Variants in ERBIN observed in about 807,000 individuals in gnomAD.
The protein encoded by ERBIN is densin-180-like protein.
In ERBIN, 60 loss-of-function variants were observed where a neutral mutation model predicts 158.4. The observed-to-expected ratio is 0.38, with a 90% confidence interval of 0.31 to 0.47. The LOEUF (loss-of-function observed/expected upper bound fraction) is 0.47, where lower values mean the gene tolerates loss of function less well. ERBIN is among the 20% of genes least tolerant of loss of function. The pLI, the probability that ERBIN is intolerant of heterozygous loss-of-function variation, is 0.99. For synonymous variants in ERBIN, 594 were observed against 557.2 expected, an observed-to-expected ratio of 1.07 and a Z score of -0.93; for missense variants, 1,610 against 1,648.0, an observed-to-expected ratio of 0.98 and a Z score of 0.40.
chr5:66,059,017 C>T (rs1759946963), intron 21 of ERBIN, among the ~76,000 whole-genome samples: 1 of 152,092 alleles, frequency 6.6e-6, no homozygotes, highest in African/African-American at 2.4e-5. Context: ...CTTGGCAATG[C>T]AGGCTCTTTT....
chr5:65,963,792 C>T (rs1207020000), intron 1 of ERBIN, among the ~76,000 whole-genome samples: 7 of 122,968 alleles, frequency 5.7e-5, no homozygotes, highest in African/African-American at 5.7e-5. Flanking sequence ...TCTTTCTTTT[C>T]TTTTTTTTTT....
intron 20 of ERBIN, among the ~76,000 whole-genome samples, chr5:66,052,161 C>T (rs560833230): frequency 6.7e-6 from 1 of 148,466 alleles, no homozygotes; most frequent in African/African-American, 2.5e-5. Flanking sequence ...CAGGCTACTG[C>T]ACTCCAGCAT....
chr5:66,077,489 AAGGG>A (rs1263649135), intron 25 of ERBIN, among the ~76,000 whole-genome samples: 1 of 152,000 alleles, frequency 6.6e-6, no homozygotes, highest in Non-Finnish European at 1.5e-5. Flanking sequence ...ACCAAAAAAA[AAGGG>A]AGAGAGAGAC....
At chr5:66,012,776 A>T (rs147210097) in intron 5 of ERBIN, among the ~76,000 whole-genome samples, 1,686 of 152,328 alleles carry the variant, frequency 0.011, 34 homozygotes, top group African/African-American at 0.037. Flanking sequence ...TCTAGTATCA[A>T]ATTCTAGATC....
intron 1 of ERBIN, among the ~76,000 whole-genome samples, chr5:65,957,802 C>T (rs935611781): frequency 6.6e-5 from 10 of 150,580 alleles, no homozygotes; most frequent in Non-Finnish European, 1.3e-4. Context: ...AGGGCAGAGG[C>T]GCACCCCACC....
chr5:66,070,640 A>C (rs1163051399), intron 21 of ERBIN, among the ~76,000 whole-genome samples: 1 of 152,234 alleles, frequency 6.6e-6, no homozygotes, highest in Non-Finnish European at 1.5e-5. Flanking sequence ...TAAAATTTCA[A>C]GCTGAGAGCT....
chr5:66,020,843 TGTG>T (rs1408473301), intron 7 of ERBIN, among the ~76,000 whole-genome samples: 1 of 152,028 alleles, frequency 6.6e-6, no homozygotes, highest in Non-Finnish European at 1.5e-5. Flanking sequence ...AATTTGAACA[TGTG>T]GGGAGTAATA....
intron 4 of ERBIN, among the ~76,000 whole-genome samples, chr5:65,998,255 T>G (rs1013731186): frequency 8.7e-5 from 13 of 149,062 alleles, no homozygotes; most frequent in African/African-American, 3.2e-4. Flanking sequence ...GATATATATA[T>G]ATATTTATAT....
Position 66,028,528 on chromosome 5 carries a change from A to T in ERBIN, c.1206+185A>T, listed in dbSNP as rs546805367. Among the ~76,000 whole-genome samples the T allele has an allele frequency of 6.6e-5, 10 of 152,056 alleles. No individual in the cohort carries two copies. In the South Asian group the frequency reaches 1.0e-3, roughly 16 times the overall value. On this transcript the variant is annotated intron_variant, in intron 14 of 25. Coordinates refer to ENST00000284037, the MANE Select transcript of ERBIN (RefSeq NM_001253697.2). ...CTTTTTATAAAATAGGTGTAGATTT[A>T]TAAGTAATGAATTATGTTGGACTTG...
chr5:66,014,259 T>A (rs1754492880), intron 6 of ERBIN, among the ~76,000 whole-genome samples: 1 of 152,192 alleles, frequency 6.6e-6, no homozygotes, highest in African/African-American at 2.4e-5. Context: ...TTTAGTGGAA[T>A]GTACATCAAT....
In ERBIN at chr5:66,073,913, C is replaced by G. The variant is rs570105795; in HGVS notation, c.3757-1111C>G. Among the ~76,000 whole-genome samples, 22 of 152,204 alleles carry G rather than the reference C, an allele frequency of 1.4e-4. No homozygotes were observed. The South Asian group carries it at 3.3e-3, about 23-fold the overall frequency. ...TGTTGTTTAGAGATGGAGTCTCGCTCTGTCACCCAGGCTAGGGTGCAGTGG... is the reference window on the plus strand; with the variant it reads ...TGTTGTTTAGAGATGGAGTCTCGCTGTGTCACCCAGGCTAGGGTGCAGTGG... On this transcript the variant is annotated intron_variant, in intron 22 of 25. Coordinates refer to ENST00000284037, the MANE Select transcript of ERBIN (RefSeq NM_001253697.2).
chr5:66,041,244 T>G (rs899967115), intron 15 of ERBIN, among the ~76,000 whole-genome samples: 1 of 151,926 alleles, frequency 6.6e-6, no homozygotes, highest in African/African-American at 2.4e-5. Flanking sequence ...ATTGAGTGAT[T>G]TGGAAGAACA....
chr5:65,958,492 G>C (rs1580158467), intron 1 of ERBIN, among the ~76,000 whole-genome samples: 1 of 151,752 alleles, frequency 6.6e-6, no homozygotes, highest in Non-Finnish European at 1.5e-5. Flanking sequence ...GGGGCGGTGC[G>C]CGCCTGCAAT....
chr5:65,957,518 A>G (rs1747317168), intron 1 of ERBIN, among the ~76,000 whole-genome samples: 2 of 152,204 alleles, frequency 1.3e-5, no homozygotes, highest in African/African-American at 4.8e-5. Context: ...CGTTTCAGAG[A>G]GCACCGGGTT....
At chr5:65,940,260 G>A (rs1296550250) in intron 1 of ERBIN, among the ~76,000 whole-genome samples, 1,084 of 131,778 alleles carry the variant, frequency 8.2e-3, no homozygotes, top group South Asian at 0.015. Context: ...GAGGTGAGGA[G>A]CGTCTCTGCC....
At chr5:66,072,038 A>G (rs1289089526) in intron 21 of ERBIN, 131 bp from the exon 22 acceptor site, 25 of 765,240 alleles carry the variant, frequency 3.3e-5, no homozygotes, top group Non-Finnish European at 5.1e-5. Context: ...TAATGATGGC[A>G]GTGTTTGATT....
chr5:66,028,456 A>G lies in ERBIN; in HGVS notation c.1206+113A>G, dbSNP rs78762675. ...AGCTATACATGTGGTACACATGTAA[A>G]CATATCTTTTATATAAGAAAAATCT... On this transcript the variant is annotated intron_variant, in intron 14 of 25. Coordinates refer to ENST00000284037, the MANE Select transcript of ERBIN (RefSeq NM_001253697.2). 4 of 592,892 alleles carry G rather than the reference A, an allele frequency of 6.7e-6. No homozygotes were observed. The East Asian group carries it at 1.3e-4, about 19-fold the overall frequency. 36.7% of individuals were successfully genotyped at this position (592,892 alleles called of 1,614,324 possible). A position where few individuals can be genotyped will look rare whatever the true frequency, so the allele number is the denominator to read the frequency against.
At chr5:66,057,485 ATTT>A (rs1356079076) in intron 21 of ERBIN, among the ~76,000 whole-genome samples, 2 of 152,146 alleles carry the variant, frequency 1.3e-5, no homozygotes, top group African/African-American at 4.8e-5. Context: ...TAAAATAATT[ATTT>A]TTCTTAAAAA....
Position 66,054,116 on chromosome 5 carries a change from C to T in ERBIN, c.2798C>T (p.Ser933Phe). The change falls in exon 21 of 26, where the codon TCT becomes TTT. Residue 933 changes from serine (S) to phenylalanine (F), a missense_variant. This residue lies in a region of ERBIN where 1,014 missense variants were observed against 936.1 expected (regional missense o/e 1.08). Coordinates refer to ENST00000284037, the MANE Select transcript of ERBIN (RefSeq NM_001253697.2). ...PLQVFTGSSSSSDLISGTKAI... is the reference protein window; with the variant it reads ...PLQVFTGSSSFSDLISGTKAI... Reference sequence around the variant, plus strand: ...CAGGTATTTACTGGTTCTTCCTCATCTTCTGATTTAATATCAGGAACAAAG... The same window carrying T: ...CAGGTATTTACTGGTTCTTCCTCATTTTCTGATTTAATATCAGGAACAAAG... 1 of 1,614,168 alleles carries T rather than the reference C, an allele frequency of 6.2e-7. No individual in the cohort carries two copies. The highest frequency in any genetic ancestry group is 8.5e-7 in the Non-Finnish European group (1 of 1,180,018).
Sources: gnomAD v4.1 joint callset for allele counts (sites outside exome capture counted in the v4.1 genomes callset) on GRCh38, gnomAD v4.1.1 for gene constraint, gnomAD v4.1.1 regional missense constraint, MANE v1.5 for transcripts, NCBI Gene and HGNC (gene_info 2026-07-23, HGNC 2026-07-21) for gene names.